TPP2: variants seen among roughly 807,000 people sequenced by gnomAD.
TPP2 encodes tripeptidyl-peptidase 2.
A neutral mutation model predicts 155.9 loss-of-function variants in TPP2; 34 were observed. That is an observed-to-expected ratio of 0.22 (90% CI 0.17 to 0.29). TPP2 has a LOEUF of 0.29. Among genes scored for constraint, TPP2 ranks in the 10% least tolerant of loss-of-function variants. The pLI is 1.00. For synonymous variants in TPP2, 510 were observed against 529.4 expected, an observed-to-expected ratio of 0.96 and a Z score of 0.50; for missense variants, 1,028 against 1,522.3, an observed-to-expected ratio of 0.68 and a Z score of 5.40.
At position 102,630,114 on chromosome 13, in the gene TPP2, C is replaced by T. The variant is rs769965921; in HGVS notation, c.1163C>T (p.Ser388Phe). The change falls in exon 10 of 30, where the codon TCT becomes TTT. Residue 388 changes from serine (S) to phenylalanine (F), a missense_variant. By Grantham distance (155) the Ser-to-Phe change is radical. This residue lies in a region of TPP2 where 63 missense variants were observed against 165.7 expected (regional missense o/e 0.38). Coordinates refer to ENST00000376052, the MANE Select transcript of TPP2 (RefSeq NM_001330588.2). The part of the protein sequence containing the change: ...SSVIGVGAYV[S>F]PDMMVAEYSL... ...CCCACAGGTGTTGGTGCTTATGTTT[C>T]TCCTGATATGATGGTTGCTGAGTAT... is the stretch of plus-strand genomic sequence containing the variant. The T allele has an allele frequency of 6.2e-7, 1 of 1,613,294 alleles. No individual in the cohort carries two copies. Among genetic ancestry groups the T allele is most frequent in the Non-Finnish European group, 8.5e-7 (1 of 1,179,776 alleles).
At chr13:102,675,870 A>G (rs1885253341) in intron 28 of TPP2, among the ~76,000 whole-genome samples, 1 of 152,192 alleles carries the variant, frequency 6.6e-6, no homozygotes, top group Non-Finnish European at 1.5e-5. Context: ...TATTTGACAG[A>G]TGCAGTAATT....
At chr13:102,620,094 G>A (rs1688104724) in intron 5 of TPP2, among the ~76,000 whole-genome samples, 1 of 152,216 alleles carries the variant, frequency 6.6e-6, no homozygotes, top group Admixed American at 6.5e-5. Context: ...CATTTAAAGT[G>A]TTTGCTCTAG....
At position 102,648,470 on chromosome 13, in the gene TPP2, T is replaced by A. The variant is rs747094526; in HGVS notation, c.2629-437T>A. Among the ~76,000 whole-genome samples the A allele has an allele frequency of 1.0e-3, 127 of 121,572 alleles. 1 individual carries two copies. The highest frequency in any genetic ancestry group is 2.6e-3 in the South Asian group (9 of 3,494). 79.8% of individuals were successfully genotyped at this position (121,572 alleles called of 152,430 possible). A position where few individuals can be genotyped will look rare whatever the true frequency, so the allele number is the denominator to read the frequency against. On this transcript the variant is annotated intron_variant, in intron 21 of 29. Coordinates refer to ENST00000376052, the MANE Select transcript of TPP2 (RefSeq NM_001330588.2). ...TGTGTGTGTGTGTGTGTGTGTGTATTTGTCCTAGATATTCTATGGTGCCTC... is the reference window on the plus strand; with the variant it reads ...TGTGTGTGTGTGTGTGTGTGTGTATATGTCCTAGATATTCTATGGTGCCTC...
chr13:102,606,766 G>A (rs1292725861), intron 2 of TPP2, among the ~76,000 whole-genome samples: 9 of 152,162 alleles, frequency 5.9e-5, no homozygotes, highest in Admixed American at 5.9e-4. Context: ...GGGGAGGGAC[G>A]TGGGTCTTCT....
At chr13:102,677,911 C>T (rs948760678) in intron 29 of TPP2, among the ~76,000 whole-genome samples, 1 of 151,786 alleles carries the variant, frequency 6.6e-6, no homozygotes, top group Non-Finnish European at 1.5e-5. Flanking sequence ...ATGAAAGGAA[C>T]TTAGGTTGGT....
Position 102,634,380 on chromosome 13 carries a change from A to T in TPP2, c.1393+282A>T, listed in dbSNP as rs894320964. 3.3e-5 allele frequency among the ~76,000 whole-genome samples: 5 copies of T among 152,310 alleles called. No homozygotes were observed. The South Asian group carries it at 1.0e-3, about 32-fold the overall frequency. The stretch of plus-strand genomic sequence containing the variant: ...TAGCTGCCTATGTGGAGGTTACATC[A>T]TTATATATATTATAGTTGGGATAAA... On this transcript the variant is annotated intron_variant, in intron 11 of 29. Coordinates refer to ENST00000376052, the MANE Select transcript of TPP2 (RefSeq NM_001330588.2).
chr13:102,605,033 C>A, intron 2 of TPP2, 112 bp downstream of exon 2: 1 of 1,434,250 alleles, frequency 7.0e-7, no homozygotes, highest in Non-Finnish European at 9.6e-7. Flanking sequence ...TGCCACATAT[C>A]AGATTACCTC....
chr13:102,642,749 G>A (rs558694816), intron 16 of TPP2, among the ~76,000 whole-genome samples: 1 of 152,270 alleles, frequency 6.6e-6, no homozygotes, highest in East Asian at 1.9e-4. Flanking sequence ...CTTTGTAGAC[G>A]CACACAGTAC....
chr13:102,662,145 G>C (rs1177372616), intron 25 of TPP2, among the ~76,000 whole-genome samples: 1 of 152,172 alleles, frequency 6.6e-6, no homozygotes, highest in Non-Finnish European at 1.5e-5. Flanking sequence ...TTAAGTGGTA[G>C]TAGCCAGTCA....
chr13:102,678,354 T>G lies in TPP2; in HGVS notation c.*38T>G. 2 of 1,598,972 alleles carry G rather than the reference T, an allele frequency of 1.3e-6. No homozygotes were observed. The highest frequency in any genetic ancestry group is 1.7e-6 in the Non-Finnish European group (2 of 1,170,548). On this transcript the variant is annotated 3_prime_UTR_variant, in exon 30 of 30. Transcript: ENST00000376052. Reference sequence around the variant, plus strand: ...GACTTTAAATTTTAAAAAAGGAAGTTTTATAGTGAATGGGTATAAAAACAA... The same window carrying G: ...GACTTTAAATTTTAAAAAAGGAAGTGTTATAGTGAATGGGTATAAAAACAA...
intron 10 of TPP2, among the ~76,000 whole-genome samples, chr13:102,633,743 A>ATT (rs1882181306): frequency 6.6e-6 from 1 of 152,232 alleles, no homozygotes; most frequent in Non-Finnish European, 1.5e-5. Context: ...ACTTACAAGG[A>ATT]AAAAATAAAT....
At chr13:102,614,399 G>A (rs1429291138) in intron 3 of TPP2, among the ~76,000 whole-genome samples, 1 of 152,118 alleles carries the variant, frequency 6.6e-6, no homozygotes, top group Non-Finnish European at 1.5e-5. Flanking sequence ...TCTTGATCTT[G>A]GGTACATGGA....
At chr13:102,668,980 A>G (rs182783051) in intron 27 of TPP2, among the ~76,000 whole-genome samples, 9 of 152,274 alleles carry the variant, frequency 5.9e-5, no homozygotes, top group East Asian at 1.9e-4. Context: ...TAGCCACGCT[A>G]TGGTATGGTT....
At chr13:102,614,254 A>G in intron 3 of TPP2, 58 bp downstream of exon 3, 1 of 1,367,840 alleles carries the variant, frequency 7.3e-7, no homozygotes, top group Non-Finnish European at 1.0e-6. Flanking sequence ...TCTTCCTCAG[A>G]TTTTATTCCT....
At chr13:102,631,432 A>G (rs1595165304) in intron 10 of TPP2, 1 of 152,268 alleles carries the variant, frequency 6.6e-6, no homozygotes. Context: ...AAGACACTCA[A>G]TAAGAGTGGC....
At chr13:102,659,035 A>G (rs78950001) in intron 25 of TPP2, among the ~76,000 whole-genome samples, 9,458 of 152,300 alleles carry the variant, frequency 0.062, 364 homozygotes, top group East Asian at 0.11. Context: ...TCCCTGTTCC[A>G]GAGCTTGGGC....
chr13:102,630,089 C>T lies in TPP2; in HGVS notation c.1145-7C>T. The T allele has an allele frequency of 6.2e-7, 1 of 1,610,584 alleles. No individual in the cohort carries two copies. Among genetic ancestry groups the T allele is most frequent in the African/African-American group, 1.3e-5 (1 of 74,964 alleles). On this transcript the variant is annotated splice_polypyrimidine_tract_variant and splice_region_variant and intron_variant, in intron 9 of 29. Transcript: ENST00000376052. ...TTCTTTTCTTAATGATTAAATCCAT[C>T]CCACAGGTGTTGGTGCTTATGTTTC...
chr13:102,678,154 A>G, intron 29 of TPP2, 73 bp from the exon 30 acceptor site: 5 of 1,408,194 alleles, frequency 3.6e-6, no homozygotes, highest in Non-Finnish European at 4.9e-6. Flanking sequence ...TTTAATACAG[A>G]ATTTATTCTA....
chr13:102,632,848 T>C lies in TPP2; in HGVS notation c.1245-1102T>C, dbSNP rs1275670123. Among the ~76,000 whole-genome samples the C allele has an allele frequency of 6.6e-5, 10 of 152,234 alleles. No individual in the cohort carries two copies. The East Asian group carries it at 1.5e-3, about 23-fold the overall frequency. ...GGGAGATGACACTGTTCAGGCACTT[T>C]TGTAGCCTACTTGTTATTCAGTATT... On this transcript the variant is annotated intron_variant, in intron 10 of 29. Coordinates refer to ENST00000376052, the MANE Select transcript of TPP2 (RefSeq NM_001330588.2).
Sources: gnomAD v4.1 joint callset for allele counts (sites outside exome capture counted in the v4.1 genomes callset) on GRCh38, gnomAD v4.1.1 for gene constraint, gnomAD v4.1.1 regional missense constraint, MANE v1.5 for transcripts, NCBI Gene and HGNC (gene_info 2026-07-23, HGNC 2026-07-21) for gene names.